The following NHS variants were observed in gnomAD, a reference collection of about 807,000 sequenced individuals.
NHS encodes actin remodeling regulator NHS.
NHS carries 5 observed loss-of-function variants against 72.5 expected under a neutral mutation model. The ratio of observed to expected loss-of-function variants is 0.07; its 90% CI spans 0.04 to 0.14. The LOEUF (loss-of-function observed/expected upper bound fraction) is 0.14, where lower values mean the gene tolerates loss of function less well. NHS is among the 10% of genes least tolerant of loss of function. The pLI is 1.00. For missense variants in NHS, 1,072 were observed against 1,355.7 expected (o/e 0.79, Z 3.29); for synonymous variants, 464 against 547.7 (o/e 0.85, Z 2.13).
chrX:17,636,511 G>A (rs768581522), intron 1 of NHS, among the ~76,000 whole-genome samples: 39 of 112,426 alleles, frequency 3.5e-4, no homozygotes, highest in African/African-American at 1.2e-3. Context: ...TCTGCAGGAG[G>A]TGGCCAGTGT....
intron 1 of NHS, among the ~76,000 whole-genome samples, chrX:17,431,846 G>A (rs1429021827): frequency 2.7e-5 from 3 of 111,829 alleles, no homozygotes; most frequent in Admixed American, 9.4e-5. Context: ...TAAGAGCTTC[G>A]TCACTTATGT....
chrX:17,584,797 C>T (rs2146985706), intron 1 of NHS, among the ~76,000 whole-genome samples: 1 of 111,663 alleles, frequency 9.0e-6, no homozygotes, highest in South Asian at 3.8e-4. Context: ...CTTGGTTGGC[C>T]TGGCTTCAAC....
In NHS at chrX:17,635,609, G is replaced by A. The variant is rs2065842230; in HGVS notation, c.566-52133G>A. 2.6e-6 allele frequency: 3 copies of A among 1,165,900 alleles called. No homozygotes were observed. In the African/African-American group the frequency reaches 5.3e-5, roughly 21 times the overall value. On this transcript the variant is annotated intron_variant, in intron 1 of 8. Transcript: ENST00000676302. ...CATGCCCAAGAATGCAGGTATTTGGGGTTTGCAGCATTTCTTGGCAAGACA... is the reference window on the plus strand; with the variant it reads ...CATGCCCAAGAATGCAGGTATTTGGAGTTTGCAGCATTTCTTGGCAAGACA...
intron 1 of NHS, among the ~76,000 whole-genome samples, chrX:17,395,066 G>C (rs747381097): frequency 9.1e-6 from 1 of 110,304 alleles, no homozygotes; most frequent in Non-Finnish European, 1.9e-5. Context: ...CACCTCCTCT[G>C]CTCTACCCTG....
chrX:17,641,594 A>G (rs1193385451), intron 1 of NHS, among the ~76,000 whole-genome samples: 1 of 110,980 alleles, frequency 9.0e-6, no homozygotes, highest in African/African-American at 3.3e-5. Context: ...TAGATTCTGT[A>G]GGTATAGAAT....
chrX:17,545,410 G>A (rs1164833241), intron 1 of NHS, among the ~76,000 whole-genome samples: 6 of 112,027 alleles, frequency 5.4e-5, no homozygotes, highest in East Asian at 2.8e-4. Flanking sequence ...AGAGTTTTCC[G>A]TTGGATCGTC....
intron 1 of NHS, among the ~76,000 whole-genome samples, chrX:17,390,728 T>C (rs947093696): frequency 8.9e-6 from 1 of 112,513 alleles, no homozygotes; most frequent in African/African-American, 3.2e-5. Flanking sequence ...AGTACTCATC[T>C]GGCAAACTTT....
At chrX:17,560,899 T>C (rs1247899975) in intron 1 of NHS, among the ~76,000 whole-genome samples, 1 of 112,517 alleles carries the variant, frequency 8.9e-6, no homozygotes, top group Non-Finnish European at 1.9e-5. Flanking sequence ...AAAGGCCCTT[T>C]TCTCCAGGGC....
chrX:17,425,009 G>C (rs1281956577), intron 1 of NHS, among the ~76,000 whole-genome samples: 2 of 111,876 alleles, frequency 1.8e-5, no homozygotes, highest in Non-Finnish European at 3.8e-5. Context: ...CTCTGGAAAG[G>C]GCTATACTTA....
chrX:17,506,564 A>AGT (rs1436825025), intron 1 of NHS, among the ~76,000 whole-genome samples: 17 of 107,427 alleles, frequency 1.6e-4, no homozygotes, highest in Admixed American at 4.0e-4. Context: ...TAAATAAATA[A>AGT]ATAAGTAAAT....
At chrX:17,443,898 C>T (rs991252312) in intron 1 of NHS, among the ~76,000 whole-genome samples, 3 of 112,279 alleles carry the variant, frequency 2.7e-5, no homozygotes, top group Admixed American at 9.4e-5. Flanking sequence ...TAAGCAGTTA[C>T]ATGTGGGCTT....
intron 1 of NHS, among the ~76,000 whole-genome samples, chrX:17,502,788 CA>C (rs759665461): frequency 2.1e-3 from 15 of 7,109 alleles, no homozygotes; most frequent in East Asian, 5.9e-3. Flanking sequence ...GACTCCGTCT[CA>C]AAAAAAAAAA....
intron 1 of NHS, among the ~76,000 whole-genome samples, chrX:17,677,455 G>A (rs1258558347): frequency 2.7e-5 from 3 of 111,287 alleles, no homozygotes; most frequent in African/African-American, 9.8e-5. Context: ...ACTAGGCCAT[G>A]TGTACATCTA....
In NHS at chrX:17,726,938, C is replaced by T; in HGVS notation, c.2832C>T (p.His944=). The change falls in exon 7 of 9, where the codon CAC becomes CAT. Residue 944 remains histidine (H), a synonymous_variant. Coordinates refer to ENST00000676302, the MANE Select transcript of NHS (RefSeq NM_001291867.2). ...PFKDEVAEST[H]YADLWLLNDL... is the part of the protein sequence containing the mutation. ...AAGATGAAGTTGCCGAATCCACACA[C>T]TATGCAGACCTCTGGCTCCTAAATG... 4.1e-6 allele frequency: 5 copies of T among 1,212,085 alleles called. No homozygotes were observed. Among genetic ancestry groups the T allele is most frequent in the Non-Finnish European group, 5.6e-6 (5 of 895,604 alleles).
intron 1 of NHS, among the ~76,000 whole-genome samples, chrX:17,595,921 A>T (rs763606770): frequency 1.8e-5 from 2 of 111,859 alleles, no homozygotes; most frequent in East Asian, 5.6e-4. Context: ...ATAGCGGAAA[A>T]GTGAATTTAT....
At chrX:17,552,177 A>C (rs1401268295) in intron 1 of NHS, among the ~76,000 whole-genome samples, 1 of 111,908 alleles carries the variant, frequency 8.9e-6, no homozygotes, top group Non-Finnish European at 1.9e-5. Flanking sequence ...TTTGCACTAC[A>C]CAAGTCCAAA....
intron 1 of NHS, among the ~76,000 whole-genome samples, chrX:17,574,105 G>A (rs1439808426): frequency 9.0e-6 from 1 of 111,443 alleles, no homozygotes; most frequent in African/African-American, 3.3e-5. Context: ...GGCCTCTACT[G>A]GGAGGTGTCT....
intron 1 of NHS, among the ~76,000 whole-genome samples, chrX:17,684,943 A>T (rs930878488): frequency 1.8e-5 from 2 of 112,164 alleles, no homozygotes; most frequent in Non-Finnish European, 3.8e-5. Context: ...TAAGCCTGCT[A>T]TCTTGCATAA....
At chrX:17,642,361 T>C (rs1298716909) in intron 1 of NHS, among the ~76,000 whole-genome samples, 1 of 112,450 alleles carries the variant, frequency 8.9e-6, no homozygotes, top group South Asian at 3.7e-4. Flanking sequence ...ACATAAGGAC[T>C]GAATAAGTGG....
Sources: gnomAD v4.1 joint callset for allele counts (sites outside exome capture counted in the v4.1 genomes callset) on GRCh38, gnomAD v4.1.1 for gene constraint, MANE v1.5 for transcripts, NCBI Gene and HGNC (gene_info 2026-07-23, HGNC 2026-07-21) for gene names.